The following PKNOX2 variants were observed in gnomAD, a reference collection of about 807,000 sequenced individuals.
PKNOX2 encodes the protein PBX/knotted 1 homeobox 2.
In PKNOX2, 14 loss-of-function variants were observed where a neutral mutation model predicts 53.1. The observed-to-expected ratio is 0.26, with a 90% CI of 0.17 to 0.41. The LOEUF (loss-of-function observed/expected upper bound fraction) is 0.41, where lower values mean the gene tolerates loss of function less well. Ranked by LOEUF, PKNOX2 falls within the 10% of genes least tolerant of loss-of-function variation. The pLI is 1.00. For missense variants in PKNOX2, 496 were observed against 602.8 expected (o/e 0.82, Z 1.85); for synonymous variants, 257 against 242.8 (o/e 1.06, Z -0.54).
intron 1 of PKNOX2, among the ~76,000 whole-genome samples, chr11:125,227,164 G>A (rs1479688251): frequency 6.6e-6 from 1 of 152,108 alleles, no homozygotes; most frequent in Non-Finnish European, 1.5e-5. Flanking sequence ...ACCCCTGATA[G>A]CTCTCAATGA....
chr11:125,315,323 A>AAAAAACACCT (rs1949102808), intron 2 of PKNOX2, among the ~76,000 whole-genome samples: 1 of 150,004 alleles, frequency 6.7e-6, no homozygotes, highest in Non-Finnish European at 1.5e-5. Flanking sequence ...AAAAAAAAAA[A>AAAAAACACCT]AAAAACACCT....
At chr11:125,205,816 T>C (rs1939029412) in intron 1 of PKNOX2, among the ~76,000 whole-genome samples, 1 of 152,102 alleles carries the variant, frequency 6.6e-6, no homozygotes, top group African/African-American at 2.4e-5. Context: ...ACCTAACCCC[T>C]AACTTCCATC....
chr11:125,297,446 G>A (rs1360916366), intron 2 of PKNOX2, among the ~76,000 whole-genome samples: 2 of 152,234 alleles, frequency 1.3e-5, no homozygotes, highest in Non-Finnish European at 2.9e-5. Flanking sequence ...TTAGAGCCAT[G>A]TGCGGTATAC....
intron 5 of PKNOX2, among the ~76,000 whole-genome samples, chr11:125,376,617 A>G (rs111340315): frequency 1.9e-4 from 29 of 152,332 alleles, no homozygotes; most frequent in African/African-American, 5.3e-4. Flanking sequence ...TCTGAGCCTG[A>G]AAGAACTTGA....
At chr11:125,207,555 G>A (rs1199929953) in intron 1 of PKNOX2, among the ~76,000 whole-genome samples, 1 of 152,042 alleles carries the variant, frequency 6.6e-6, no homozygotes, top group Non-Finnish European at 1.5e-5. Context: ...AGGAAAGGGT[G>A]GCATTACTGA....
At chr11:125,359,720 C>T (rs577713999) in intron 4 of PKNOX2, among the ~76,000 whole-genome samples, 6 of 152,148 alleles carry the variant, frequency 3.9e-5, no homozygotes, top group Non-Finnish European at 8.8e-5. Context: ...CTGCCGGGCC[C>T]GCCTGAAGCC....
intron 6 of PKNOX2, among the ~76,000 whole-genome samples, chr11:125,391,201 G>A (rs762747058): frequency 2.8e-4 from 43 of 152,186 alleles, no homozygotes; most frequent in Non-Finnish European, 4.9e-4. Flanking sequence ...AATGGGTTCC[G>A]TAATCTCTGA....
intron 2 of PKNOX2, among the ~76,000 whole-genome samples, chr11:125,321,987 G>A (rs1227834576): frequency 6.6e-6 from 1 of 152,170 alleles, no homozygotes; most frequent in Admixed American, 6.5e-5. Flanking sequence ...TGAGGGCAGA[G>A]CCCTCATAAA....
At chr11:125,186,063 T>G (rs1956430906) in intron 1 of PKNOX2, among the ~76,000 whole-genome samples, 1 of 152,152 alleles carries the variant, frequency 6.6e-6, no homozygotes, top group Non-Finnish European at 1.5e-5. Context: ...TTTTTTTAAT[T>G]GTAGCCATTA....
rs1261411055 is a variant in PKNOX2 at position 125,235,314 on chromosome 11, T to C, written c.-130+199T>C. 3.9e-5 allele frequency among the ~76,000 whole-genome samples: 6 copies of C among 152,236 alleles called. No homozygotes were observed. In the East Asian group the frequency reaches 1.2e-3, roughly 29 times the overall value. On this transcript the variant is annotated intron_variant, in intron 2 of 12. Coordinates refer to ENST00000298282, the MANE Select transcript of PKNOX2 (RefSeq NM_001382323.2). Reference sequence around the variant, plus strand: ...AAAGAGGCCCTGTAATATGACATCGTATTTAATTAGACTATATTGATTGTG... The same window carrying C: ...AAAGAGGCCCTGTAATATGACATCGCATTTAATTAGACTATATTGATTGTG...
intron 2 of PKNOX2, among the ~76,000 whole-genome samples, chr11:125,289,061 A>G (rs1022322682): frequency 1.3e-5 from 2 of 152,232 alleles, no homozygotes; most frequent in African/African-American, 4.8e-5. Context: ...GCCTTTTACC[A>G]TTTCATTGGC....
At chr11:125,363,901 T>G (rs181844110) in intron 4 of PKNOX2, among the ~76,000 whole-genome samples, 1 of 152,338 alleles carries the variant, frequency 6.6e-6, no homozygotes, top group Admixed American at 6.5e-5. Context: ...ATTTGCCAAT[T>G]TCCATGGTGT....
chr11:125,415,678 T>C (rs1955834146), intron 10 of PKNOX2, among the ~76,000 whole-genome samples: 2 of 152,120 alleles, frequency 1.3e-5, no homozygotes, highest in Non-Finnish European at 2.9e-5. Context: ...AAAATGCAAC[T>C]CTAGGGAGAC....
chr11:125,368,838 T>C (rs969102247), intron 5 of PKNOX2, among the ~76,000 whole-genome samples: 1 of 152,216 alleles, frequency 6.6e-6, no homozygotes. Flanking sequence ...ACAGGGACTT[T>C]AGTTATCATT....
At chr11:125,421,601 A>G (rs531527007) in intron 10 of PKNOX2, among the ~76,000 whole-genome samples, 19 of 152,358 alleles carry the variant, frequency 1.2e-4, no homozygotes, top group Non-Finnish European at 2.4e-4. Flanking sequence ...CCTATGATGA[A>G]TAGGATTGAC....
chr11:125,262,944 G>T (rs1042388319), intron 2 of PKNOX2, among the ~76,000 whole-genome samples: 2 of 151,974 alleles, frequency 1.3e-5, no homozygotes, highest in African/African-American at 4.8e-5. Flanking sequence ...GGCGCCCCTC[G>T]CCCTCCCCGA....
chr11:125,169,364 G>A (rs1287008719), intron 1 of PKNOX2, among the ~76,000 whole-genome samples: 2 of 152,196 alleles, frequency 1.3e-5, no homozygotes, highest in African/African-American at 4.8e-5. Flanking sequence ...GAGCTCCACG[G>A]GCTGGGTTCT....
At chr11:125,428,955 TG>T (rs886908365) in intron 10 of PKNOX2, 56 bp from the exon 11 acceptor site, 6 of 1,539,956 alleles carry the variant, frequency 3.9e-6, no homozygotes, top group East Asian at 2.3e-5. Context: ...CACAGTCCCT[TG>T]GGGGGGCCAG....
At chr11:125,421,351 C>T (rs1296206347) in intron 10 of PKNOX2, among the ~76,000 whole-genome samples, 1 of 152,170 alleles carries the variant, frequency 6.6e-6, no homozygotes, top group Non-Finnish European at 1.5e-5. Context: ...GTGACCCTAA[C>T]AGGAAGCATG....
Sources: gnomAD v4.1 joint callset for allele counts (sites outside exome capture counted in the v4.1 genomes callset) on GRCh38, gnomAD v4.1.1 for gene constraint, MANE v1.5 for transcripts, NCBI Gene and HGNC (gene_info 2026-07-23, HGNC 2026-07-21) for gene names.